The following NLN variants were observed in gnomAD, a reference collection of about 807,000 sequenced individuals.
NLN encodes neurolysin, mitochondrial.
A neutral mutation model predicts 79.9 loss-of-function variants in NLN; 64 were observed. The ratio of observed to expected loss-of-function variants is 0.80; its 90% CI spans 0.65 to 0.99. The LOEUF is 0.99. Among genes scored for constraint, NLN ranks in the 50% least tolerant of loss-of-function variants. The pLI is 0.00. For synonymous variants in NLN, 267 were observed against 296.6 expected, an observed-to-expected ratio of 0.90 and a Z score of 1.02; for missense variants, 835 against 858.7, an observed-to-expected ratio of 0.97 and a Z score of 0.34.
chr5:65,778,664 G>A (rs1407441547), intron 4 of NLN, among the ~76,000 whole-genome samples: 12 of 152,124 alleles, frequency 7.9e-5, no homozygotes, highest in Non-Finnish European at 2.9e-5. Flanking sequence ...TCGAGGGGTC[G>A]GTGAGCTGCA....
intron 1 of NLN, among the ~76,000 whole-genome samples, chr5:65,723,337 G>A (rs1758364790): frequency 6.6e-6 from 1 of 152,194 alleles, no homozygotes; most frequent in South Asian, 2.1e-4. Flanking sequence ...CGTAGAGTTA[G>A]GGAGCAGGCA....
chr5:65,774,149 A>G (rs1759630590), intron 3 of NLN, among the ~76,000 whole-genome samples: 1 of 150,798 alleles, frequency 6.6e-6, no homozygotes, highest in African/African-American at 2.4e-5. Flanking sequence ...TAATATGAGT[A>G]TATAATCATA....
At chr5:65,765,534 A>T (rs545645921) in intron 3 of NLN, among the ~76,000 whole-genome samples, 128 of 152,038 alleles carry the variant, frequency 8.4e-4, no homozygotes, top group Non-Finnish European at 1.5e-3. Flanking sequence ...AATAAAAAAT[A>T]AATTAATTAA....
intron 3 of NLN, among the ~76,000 whole-genome samples, chr5:65,775,320 C>G (rs1226205884): frequency 1.3e-5 from 2 of 152,170 alleles, no homozygotes; most frequent in Non-Finnish European, 2.9e-5. Context: ...GAGTCTGTGT[C>G]CTGAGCTCAT....
At chr5:65,786,375 C>T (rs1463556895) in intron 7 of NLN, among the ~76,000 whole-genome samples, 1 of 151,846 alleles carries the variant, frequency 6.6e-6, no homozygotes. Flanking sequence ...ATACATAAAA[C>T]TAGTATCTAA....
chr5:65,811,342 AATTATT>A (rs1050198177), intron 11 of NLN, among the ~76,000 whole-genome samples: 1 of 152,242 alleles, frequency 6.6e-6, no homozygotes, highest in Middle Eastern at 3.4e-3. Flanking sequence ...TGTACAATTA[AATTATT>A]ATTGACTATA....
At chr5:65,737,291 A>G (rs1243314470) in intron 1 of NLN, among the ~76,000 whole-genome samples, 1 of 152,130 alleles carries the variant, frequency 6.6e-6, no homozygotes, top group African/African-American at 2.4e-5. Flanking sequence ...TCTCTAAACT[A>G]ATAAATCTCT....
At position 65,828,703 on chromosome 5, in the gene NLN, C is replaced by G. The variant is rs1028159281; in HGVS notation, c.*5788C>G. On this transcript the variant is annotated 3_prime_UTR_variant, in exon 13 of 13. Transcript: ENST00000380985. ...AAGCCTGTAGCTGCCAGGAGTGTTA[C>G]AGAGGGCATTCCTCCCTTGAGTTGA... 1 of 152,198 alleles carries G rather than the reference C, an allele frequency of 6.6e-6. No individual in the cohort carries two copies. Among genetic ancestry groups the G allele is most frequent in the African/African-American group, 2.4e-5 (1 of 41,450 alleles). The allele number at this position is 152,198 out of a possible 1,614,324, so 9.4% of individuals were successfully genotyped here. A position where few individuals can be genotyped will look rare whatever the true frequency, so the allele number is the denominator to read the frequency against.
chr5:65,752,688 G>T (rs1049500895), intron 1 of NLN, among the ~76,000 whole-genome samples: 2 of 152,276 alleles, frequency 1.3e-5, no homozygotes, highest in African/African-American at 4.8e-5. Context: ...GTAACAAAGG[G>T]GAAGAGGAGG....
chr5:65,808,253 C>A (rs1009675813), intron 9 of NLN, among the ~76,000 whole-genome samples: 4 of 152,210 alleles, frequency 2.6e-5, no homozygotes, highest in Non-Finnish European at 5.9e-5. Context: ...ATGGCGTTGA[C>A]ATCTGTGCCT....
At position 65,810,044 on chromosome 5, in the gene NLN, GA is replaced by G; in HGVS notation, c.1723del (p.Thr575ProfsTer7). On this transcript the variant is annotated frameshift_variant, in exon 11 of 13. Coordinates refer to ENST00000380985, the MANE Select transcript of NLN (RefSeq NM_020726.5). LOFTEE classifies it high-confidence loss of function. Reference sequence around the variant, plus strand: ...ACATTCTTATGTTATTAGGTCTTCTGACCCTGCGCCAGATTGTTTTGAGCAA... The same window carrying G: ...ACATTCTTATGTTATTAGGTCTTCTGCCCTGCGCCAGATTGTTTTGAGCAA... ...ASRLVNTGLL[T>X]LRQIVLSKVD... 6.2e-7 allele frequency: 1 copy of G among 1,613,928 alleles called. No homozygotes were observed. The highest frequency in any genetic ancestry group is 8.5e-7 in the Non-Finnish European group (1 of 1,179,976).
chr5:65,755,793 G>A (rs1759204075), intron 1 of NLN, among the ~76,000 whole-genome samples: 1 of 152,158 alleles, frequency 6.6e-6, no homozygotes, highest in South Asian at 2.1e-4. Context: ...TTCTTGTGGA[G>A]AGTAAGTTGA....
intron 12 of NLN, 93 bp downstream of exon 12, chr5:65,812,484 T>C: frequency 1.2e-6 from 1 of 836,096 alleles, no homozygotes; most frequent in South Asian, 1.7e-5. Context: ...TAGATTTTAC[T>C]GTAAGAGGCT....
At chr5:65,723,482 A>G (rs945654812) in intron 1 of NLN, among the ~76,000 whole-genome samples, 2 of 152,324 alleles carry the variant, frequency 1.3e-5, no homozygotes, top group African/African-American at 4.8e-5. Context: ...AAGACTTCAC[A>G]TAATGCAGGG....
intron 9 of NLN, chr5:65,809,129 G>A (rs1716586688): frequency 6.2e-6 from 1 of 161,882 alleles, no homozygotes; most frequent in African/African-American, 2.4e-5. Context: ...GGAAGGAGGA[G>A]CTAGGGAGAA....
intron 2 of NLN, among the ~76,000 whole-genome samples, chr5:65,761,354 G>A (rs1018851100): frequency 5.9e-5 from 9 of 151,974 alleles, no homozygotes; most frequent in South Asian, 2.1e-4. Flanking sequence ...GTGCAGTCAT[G>A]TAATCTTGGC....
Position 65,812,289 on chromosome 5 carries a change from A to G in NLN, c.1878A>G (p.Ala626=). 6.2e-7 allele frequency: 1 copy of G among 1,612,832 alleles called. No individual in the cohort carries two copies. ...TNMPATFGHL[A]GGYDGQYYGY... ...TGCCAGCTACCTTTGGACATTTGGC[A>G]GGGGGATACGATGGCCAATATTATG... The change falls in exon 12 of 13, where the codon GCA becomes GCG. Residue 626 remains alanine (A), a synonymous_variant. Transcript: ENST00000380985.
At chr5:65,746,728 G>A (rs554129159) in intron 1 of NLN, among the ~76,000 whole-genome samples, 3 of 152,330 alleles carry the variant, frequency 2.0e-5, no homozygotes, top group Admixed American at 6.5e-5. Context: ...TGCTGAGCCG[G>A]GCGCGGTGGC....
intron 1 of NLN, among the ~76,000 whole-genome samples, chr5:65,728,946 C>T (rs372941093): frequency 3.3e-5 from 5 of 152,072 alleles, no homozygotes; most frequent in Admixed American, 1.3e-4. Flanking sequence ...CGGGCTCAAA[C>T]GATCCTCCCA....
Sources: gnomAD v4.1 joint callset for allele counts (sites outside exome capture counted in the v4.1 genomes callset) on GRCh38, gnomAD v4.1.1 for gene constraint, MANE v1.5 for transcripts, NCBI Gene and HGNC (gene_info 2026-07-23, HGNC 2026-07-21) for gene names.